MCTP1: variants seen among roughly 807,000 people sequenced by gnomAD.
The protein encoded by MCTP1 is multiple C2 and transmembrane domain-containing protein 1.
MCTP1 carries 69 observed loss-of-function variants against 120.6 expected under a neutral mutation model. The ratio of observed to expected loss-of-function variants is 0.57; its 90% CI spans 0.47 to 0.70. The LOEUF is 0.70. MCTP1 is among the 30% of genes least tolerant of loss of function. The pLI is 0.00. For missense variants in MCTP1, 1,203 were observed against 1,248.8 expected, an observed-to-expected ratio of 0.96 and a Z score of 0.55; for synonymous variants, 529 against 493.1, an observed-to-expected ratio of 1.07 and a Z score of -0.96.
chr5:94,976,096 C>T (rs1173211128), intron 2 of MCTP1, among the ~76,000 whole-genome samples: 2 of 152,156 alleles, frequency 1.3e-5, no homozygotes, highest in Non-Finnish European at 2.9e-5. Context: ...TACTCTTATC[C>T]ACTATGATAC....
chr5:94,888,270 T>C (rs1561807262), intron 12 of MCTP1, among the ~76,000 whole-genome samples: 1 of 152,228 alleles, frequency 6.6e-6, no homozygotes, highest in Non-Finnish European at 1.5e-5. Context: ...ACAGAAATAG[T>C]ATTATGCAAA....
intron 1 of MCTP1, among the ~76,000 whole-genome samples, chr5:95,194,247 G>T (rs1011955902): frequency 1.3e-5 from 2 of 151,556 alleles, no homozygotes; most frequent in Non-Finnish European, 2.9e-5. Context: ...TGAAAAGAAA[G>T]AAAAGAAAAA....
chr5:95,223,517 AGG>A (rs773422732), intron 1 of MCTP1, among the ~76,000 whole-genome samples: 92 of 152,260 alleles, frequency 6.0e-4, no homozygotes, highest in Non-Finnish European at 1.1e-3. Flanking sequence ...CCCCTCTTTA[AGG>A]GGGAGTGGAC....
At chr5:95,133,124 A>G (rs1294180714) in intron 1 of MCTP1, among the ~76,000 whole-genome samples, 1 of 152,234 alleles carries the variant, frequency 6.6e-6, no homozygotes, top group Non-Finnish European at 1.5e-5. Context: ...TTCATTCTTA[A>G]GCTTTTTATG....
chr5:95,215,373 G>A (rs1228041756), intron 1 of MCTP1, among the ~76,000 whole-genome samples: 1 of 152,166 alleles, frequency 6.6e-6, no homozygotes, highest in Non-Finnish European at 1.5e-5. Context: ...GTGATAGACT[G>A]ATTTCCTTCC....
intron 12 of MCTP1, among the ~76,000 whole-genome samples, chr5:94,885,783 G>A (rs1018389824): frequency 3.3e-5 from 5 of 152,034 alleles, no homozygotes; most frequent in Non-Finnish European, 5.9e-5. Context: ...TGTACTGAGA[G>A]GTATTTTTCA....
intron 7 of MCTP1, among the ~76,000 whole-genome samples, chr5:94,923,512 G>T (rs1347698834): frequency 2.0e-5 from 3 of 152,114 alleles, no homozygotes; most frequent in African/African-American, 7.2e-5. Flanking sequence ...TCTTTTCAAA[G>T]AAAGAGCACT....
chr5:95,106,553 T>A (rs1757102975), intron 1 of MCTP1, among the ~76,000 whole-genome samples: 1 of 152,264 alleles, frequency 6.6e-6, no homozygotes, highest in Admixed American at 6.5e-5. Flanking sequence ...TTGTTCAGGC[T>A]GGTTTGTACT....
intron 2 of MCTP1, among the ~76,000 whole-genome samples, chr5:94,963,857 C>G (rs1824953078): frequency 6.6e-6 from 1 of 152,106 alleles, no homozygotes; most frequent in Admixed American, 6.6e-5. Context: ...GTTGCCTGTG[C>G]TTTTGGCATC....
rs201460771 is a variant in MCTP1, at chr5:94,816,911, T to TA, written c.2437-17780dup. On this transcript the variant is annotated intron_variant, in intron 17 of 22. Coordinates refer to ENST00000515393, the MANE Select transcript of MCTP1 (RefSeq NM_024717.7). ...ACTCTAAAAATTTCTCCTTGTCCAT[T>TA]AAAAAATGTTATTTTCTTCTTCTTA... is the stretch of plus-strand genomic sequence containing the variant. Among the ~76,000 whole-genome samples the TA allele has an allele frequency of 8.4e-3, 1,273 of 152,310 alleles. 12 individuals carry two copies. The highest frequency in any genetic ancestry group is 0.029 in the African/African-American group (1,219 of 41,568).
chr5:95,167,003 G>T (rs185582790), intron 1 of MCTP1, among the ~76,000 whole-genome samples: 354 of 149,860 alleles, frequency 2.4e-3, no homozygotes, highest in African/African-American at 8.3e-3. Context: ...TGCCATGTTG[G>T]TGTGCTGCAC....
At chr5:95,089,731 A>G (rs1055901714) in intron 1 of MCTP1, among the ~76,000 whole-genome samples, 1 of 152,166 alleles carries the variant, frequency 6.6e-6, no homozygotes, top group African/African-American at 2.4e-5. Flanking sequence ...AGTTTAATGT[A>G]GTTCATGAAC....
At chr5:95,208,433 T>C (rs1291448891) in intron 1 of MCTP1, among the ~76,000 whole-genome samples, 1 of 152,170 alleles carries the variant, frequency 6.6e-6, no homozygotes, top group African/African-American at 2.4e-5. Context: ...TCATCAAAAG[T>C]CAATACAGAT....
intron 1 of MCTP1, among the ~76,000 whole-genome samples, chr5:95,166,669 G>C (rs1475496522): frequency 6.7e-6 from 1 of 148,914 alleles, no homozygotes; most frequent in African/African-American, 2.5e-5. Flanking sequence ...CCGGGTTCAC[G>C]CCATTCTCCT....
intron 17 of MCTP1, among the ~76,000 whole-genome samples, chr5:94,851,960 T>C (rs577039634): frequency 1.6e-4 from 24 of 152,038 alleles, no homozygotes; most frequent in Non-Finnish European, 2.8e-4. Flanking sequence ...TAATTGTACA[T>C]ATCATAATAT....
chr5:94,736,500 G>T (rs1456325504), intron 19 of MCTP1, among the ~76,000 whole-genome samples: 5 of 151,966 alleles, frequency 3.3e-5, no homozygotes, highest in South Asian at 2.1e-4. Context: ...AATTTTTTTG[G>T]GGGGGATCCT....
intron 1 of MCTP1, among the ~76,000 whole-genome samples, chr5:95,062,798 T>C (rs1749586100): frequency 5.2e-5 from 1 of 19,390 alleles, no homozygotes; most frequent in Non-Finnish European, 7.5e-3. Flanking sequence ...ATCTCTGTTT[T>C]ATTGTTTTTT....
intron 2 of MCTP1, among the ~76,000 whole-genome samples, chr5:95,012,670 T>A (rs1039013745): frequency 9.2e-5 from 14 of 152,130 alleles, no homozygotes; most frequent in Non-Finnish European, 5.9e-5. Flanking sequence ...ACTATTGTAA[T>A]TGTTTTGAGG....
chr5:94,908,726 A>G (rs1807627512), intron 10 of MCTP1, among the ~76,000 whole-genome samples: 1 of 152,002 alleles, frequency 6.6e-6, no homozygotes, highest in Non-Finnish European at 1.5e-5. Context: ...AAGCCTCAGA[A>G]TACTCCTTTC....
Sources: allele counts gnomAD v4.1 joint callset (sites outside exome capture counted in the v4.1 genomes callset), GRCh38; gene constraint gnomAD v4.1.1; transcripts MANE v1.5; gene names NCBI Gene and HGNC (gene_info 2026-07-23, HGNC 2026-07-21).